FGD4: variants seen among roughly 807,000 people sequenced by gnomAD.
The protein encoded by FGD4 is FYVE, RhoGEF and PH domain containing 4.
FGD4 carries 42 observed loss-of-function variants against 102.0 expected under a neutral mutation model. The ratio of observed to expected loss-of-function variants is 0.41; its 90% confidence interval spans 0.32 to 0.53. The LOEUF (loss-of-function observed/expected upper bound fraction) is 0.53, where lower values mean the gene tolerates loss of function less well. Ranked by LOEUF, FGD4 falls within the 20% of genes least tolerant of loss-of-function variation. The pLI is 0.21. For synonymous variants in FGD4, 380 were observed against 375.7 expected, an observed-to-expected ratio of 1.01 and a Z score of -0.13; for missense variants, 902 against 1,078.2, an observed-to-expected ratio of 0.84 and a Z score of 2.29.
In FGD4 at chr12:32,602,318, GTAA is replaced by G. The variant is rs779922243; in HGVS notation, c.1404+4_1404+6del. The G allele has an allele frequency of 6.2e-7, 1 of 1,613,980 alleles. No homozygotes were observed. Among genetic ancestry groups the G allele is most frequent in the Non-Finnish European group, 8.5e-7 (1 of 1,179,940 alleles). On this transcript the variant is annotated splice_donor_variant and splice_donor_region_variant and intron_variant, in intron 7 of 16. Coordinates refer to ENST00000534526, the MANE Select transcript of FGD4 (RefSeq NM_001370298.3). LOFTEE classifies it high-confidence loss of function. ...CAAATCAGTGGTTGAAGAAATTCAG[GTAA>G]TAGGACTGTTTTGTTCAAAGCTATG...
chr12:32,464,142 C>T (rs1209624179), intron 1 of FGD4, among the ~76,000 whole-genome samples: 1 of 151,880 alleles, frequency 6.6e-6, no homozygotes, highest in African/African-American at 2.4e-5. Context: ...CTGGATTAGT[C>T]ATGTTTTTGT....
chr12:32,440,987 G>A (rs1942417296), intron 1 of FGD4, among the ~76,000 whole-genome samples: 2 of 152,260 alleles, frequency 1.3e-5, no homozygotes, highest in East Asian at 1.9e-4. Context: ...AAGGCCCAAG[G>A]TCTCTTAAGT....
intron 1 of FGD4, among the ~76,000 whole-genome samples, chr12:32,480,779 G>A (rs10844215): frequency 0.62 from 91,845 of 149,320 alleles, 28,733 homozygotes; most frequent in East Asian, 0.86. Flanking sequence ...GATTACAGGC[G>A]TGAGCCACCA....
In FGD4 at chr12:32,465,772, G is replaced by A. The variant is rs570788776; in HGVS notation, c.166+65813G>A. Among the ~76,000 whole-genome samples the A allele has an allele frequency of 1.3e-4, 20 of 152,056 alleles. No individual in the cohort carries two copies. The South Asian group carries it at 2.5e-3, about 19-fold the overall frequency. ...TTTTAGCAACAAAGTGTGTGTGTGTGTATTTGTGCATTTGTTTGTTTTTTG... is the reference window on the plus strand; with the variant it reads ...TTTTAGCAACAAAGTGTGTGTGTGTATATTTGTGCATTTGTTTGTTTTTTG... On this transcript the variant is annotated intron_variant, in intron 1 of 16. Transcript: ENST00000534526.
intron 4 of FGD4, among the ~76,000 whole-genome samples, chr12:32,585,011 A>C (rs1744570292): frequency 6.6e-6 from 1 of 151,796 alleles, no homozygotes. Flanking sequence ...GCTTGAGTCC[A>C]GGAGTTGGAG....
intron 1 of FGD4, among the ~76,000 whole-genome samples, chr12:32,561,080 T>TG (rs1565841608): frequency 8.9e-6 from 1 of 112,002 alleles, no homozygotes; most frequent in African/African-American, 3.5e-5. Flanking sequence ...GTTTTGTTTT[T>TG]TTTTTTTTTT....
chr12:32,420,845 C>G (rs1445581458), intron 1 of FGD4, among the ~76,000 whole-genome samples: 1 of 152,090 alleles, frequency 6.6e-6, no homozygotes, highest in Admixed American at 6.6e-5. Flanking sequence ...AACAGAAGAA[C>G]CCCAAACTAG....
intron 4 of FGD4, 57 bp from the exon 5 acceptor site, chr12:32,598,440 T>C (rs1948081710): frequency 4.0e-6 from 5 of 1,237,480 alleles, no homozygotes; most frequent in Non-Finnish European, 5.8e-6. Context: ...GTTTTTTACT[T>C]TAGAAATATT....
chr12:32,473,310 A>G (rs1407928603), intron 1 of FGD4, among the ~76,000 whole-genome samples: 2 of 151,780 alleles, frequency 1.3e-5, no homozygotes, highest in East Asian at 1.9e-4. Flanking sequence ...AACTCTTGCT[A>G]CTGCTCACTT....
intron 2 of FGD4, 34 bp from the exon 3 acceptor site, chr12:32,576,232 C>T (rs1349562046): frequency 1.9e-6 from 3 of 1,543,192 alleles, no homozygotes; most frequent in Non-Finnish European, 2.6e-6. Flanking sequence ...AACAAAATAT[C>T]AGTGAAATAC....
chr12:32,546,612 G>A lies in FGD4; in HGVS notation c.167-17525G>A, dbSNP rs141316356. On this transcript the variant is annotated intron_variant, in intron 1 of 16. Coordinates refer to ENST00000534526, the MANE Select transcript of FGD4 (RefSeq NM_001370298.3). ...GAGCACTTTTCTGACTTCTCCCTGA[G>A]GAGGTTTGGGTCAGGCCTAGCAGAA... Among the ~76,000 whole-genome samples the A allele has an allele frequency of 6.1e-3, 923 of 152,350 alleles. 8 individuals carry two copies. Among genetic ancestry groups the A allele is most frequent in the African/African-American group, 0.021 (854 of 41,576 alleles).
At chr12:32,524,680 C>A (rs1027477141) in intron 1 of FGD4, among the ~76,000 whole-genome samples, 9 of 152,064 alleles carry the variant, frequency 5.9e-5, no homozygotes, top group African/African-American at 2.2e-4. Flanking sequence ...GAAAAATTAT[C>A]TGGGCATGGT....
chr12:32,488,774 A>G (rs1050599764), intron 1 of FGD4, among the ~76,000 whole-genome samples: 1 of 152,140 alleles, frequency 6.6e-6, no homozygotes, highest in African/African-American at 2.4e-5. Flanking sequence ...CCCCGTCTCT[A>G]CTAAAAATAC....
chr12:32,466,589 C>G (rs546514059), intron 1 of FGD4, among the ~76,000 whole-genome samples: 1 of 152,034 alleles, frequency 6.6e-6, no homozygotes, highest in South Asian at 2.1e-4. Flanking sequence ...CAATCATGGC[C>G]GGGCGCGGTG....
rs559968024 is a variant in FGD4, at chr12:32,479,786, CTT to C, written c.166+79846_166+79847del. On this transcript the variant is annotated intron_variant, in intron 1 of 16. Coordinates refer to ENST00000534526, the MANE Select transcript of FGD4 (RefSeq NM_001370298.3). ...GCAGAAAAATTTATAAAGCATTATTCTTTTTTTTTTTTTTTTTTTTGAGATTG... is the reference window on the plus strand; with the variant it reads ...GCAGAAAAATTTATAAAGCATTATTCTTTTTTTTTTTTTTTTTTGAGATTG... 2.5e-3 allele frequency among the ~76,000 whole-genome samples: 265 copies of C among 106,566 alleles called. No individual in the cohort carries two copies. The South Asian group carries it at 0.025, about 10-fold the overall frequency. The allele number at this position is 106,566 out of a possible 152,430, so 69.9% of individuals were successfully genotyped here.
chr12:32,616,851 C>A (rs574893741), intron 10 of FGD4, among the ~76,000 whole-genome samples: 1 of 152,302 alleles, frequency 6.6e-6, no homozygotes, highest in East Asian at 1.9e-4. Context: ...ACACCTGAGA[C>A]TGGCTAATTT....
At chr12:32,513,496 G>T (rs142161917) in intron 1 of FGD4, among the ~76,000 whole-genome samples, 1 of 152,308 alleles carries the variant, frequency 6.6e-6, no homozygotes, top group Non-Finnish European at 1.5e-5. Context: ...ATTTTGGGAA[G>T]ATGACTCTGA....
chr12:32,595,660 A>G (rs1217004161), intron 4 of FGD4, among the ~76,000 whole-genome samples: 1 of 152,210 alleles, frequency 6.6e-6, no homozygotes, highest in Non-Finnish European at 1.5e-5. Flanking sequence ...TAGTAGTAAT[A>G]TATACACTAA....
chr12:32,552,683 T>C (rs1943777661), intron 1 of FGD4, among the ~76,000 whole-genome samples: 1 of 152,040 alleles, frequency 6.6e-6, no homozygotes, highest in African/African-American at 2.4e-5. Flanking sequence ...GCTGCCTTCC[T>C]GTTGCAGTGG....
Sources: allele counts gnomAD v4.1 joint callset (sites outside exome capture counted in the v4.1 genomes callset), GRCh38; gene constraint gnomAD v4.1.1; transcripts MANE v1.5; gene names NCBI Gene and HGNC (gene_info 2026-07-23, HGNC 2026-07-21).